Variants in KCMF1 observed in about 807,000 individuals in gnomAD.
KCMF1 encodes the protein potassium channel modulatory factor 1.
In KCMF1, 3 loss-of-function variants were observed where a neutral mutation model predicts 41.1. The ratio of observed to expected loss-of-function variants is 0.07; its 90% CI spans 0.03 to 0.19. The LOEUF (loss-of-function observed/expected upper bound fraction) is 0.19, where lower values mean the gene tolerates loss of function less well. Among genes scored for constraint, KCMF1 ranks in the 10% least tolerant of loss-of-function variants. The pLI is 1.00. For synonymous variants in KCMF1, 142 were observed against 164.5 expected (o/e 0.86, Z 1.04); for missense variants, 286 against 488.9 (o/e 0.58, Z 3.91).
chr2:85,000,321 CACCGTGTTAGCCAG>C (rs56065743), intron 1 of KCMF1, among the ~76,000 whole-genome samples: 10,026 of 152,110 alleles, frequency 0.066, 565 homozygotes, highest in East Asian at 0.34. Flanking sequence ...GACGGGGTTT[CACCGTGTTAGCCAG>C]GATGGTCTCG....
chr2:85,003,945 A>C (rs1574017885), intron 1 of KCMF1, among the ~76,000 whole-genome samples: 1 of 152,130 alleles, frequency 6.6e-6, no homozygotes, highest in East Asian at 1.9e-4. Flanking sequence ...TTTTTCCAAG[A>C]CCACCCAGTG....
Position 84,992,624 on chromosome 2 carries a change from T to G in KCMF1, c.16+21157T>G, listed in dbSNP as rs549679821. Among the ~76,000 whole-genome samples, 97 of 150,752 alleles carry G rather than the reference T, an allele frequency of 6.4e-4. No homozygotes were observed. In the East Asian group the frequency reaches 6.5e-3, roughly 10 times the overall value. On this transcript the variant is annotated intron_variant, in intron 1 of 6. Coordinates refer to ENST00000409785, the MANE Select transcript of KCMF1 (RefSeq NM_020122.5). ...TTTTAACGATTTTATTTATATGTGGTTTTTTTTTGTTTTTTGTTTTTTTCT... is the reference window on the plus strand; with the variant it reads ...TTTTAACGATTTTATTTATATGTGGGTTTTTTTTGTTTTTTGTTTTTTTCT...
chr2:85,027,120 G>A (rs1035629957), intron 1 of KCMF1, among the ~76,000 whole-genome samples: 12 of 152,136 alleles, frequency 7.9e-5, no homozygotes, highest in Non-Finnish European at 1.3e-4. Context: ...GGTAATTTTT[G>A]TAATCCCCTA....
At chr2:84,988,436 T>C (rs1673955832) in intron 1 of KCMF1, among the ~76,000 whole-genome samples, 1 of 152,240 alleles carries the variant, frequency 6.6e-6, no homozygotes, top group Non-Finnish European at 1.5e-5. Context: ...TATGTATCAT[T>C]ATCTCAGTTT....
chr2:84,995,667 T>C (rs1473774902), intron 1 of KCMF1, among the ~76,000 whole-genome samples: 1 of 152,220 alleles, frequency 6.6e-6, no homozygotes, highest in Non-Finnish European at 1.5e-5. Flanking sequence ...TATAAAGAAT[T>C]CTTGGCTGAG....
At position 85,053,617 on chromosome 2, in the gene KCMF1, T is replaced by C. The variant is rs1574046876; in HGVS notation, c.*208T>C. 1 of 565,640 alleles carries C rather than the reference T, an allele frequency of 1.8e-6. No homozygotes were observed. 35.0% of individuals were successfully genotyped at this position (565,640 alleles called of 1,614,324 possible). ...TCTAGCAGGTAAATGTAGGTAGCAGTGCAGGGGTGATCTCTGCTTCCTGTA... is the reference window on the plus strand; with the variant it reads ...TCTAGCAGGTAAATGTAGGTAGCAGCGCAGGGGTGATCTCTGCTTCCTGTA... On this transcript the variant is annotated 3_prime_UTR_variant, in exon 7 of 7. Transcript: ENST00000409785.
chr2:85,012,114 G>T (rs1348795118), intron 1 of KCMF1, among the ~76,000 whole-genome samples: 3 of 152,228 alleles, frequency 2.0e-5, no homozygotes, highest in African/African-American at 7.2e-5. Context: ...ATGGGCCTGT[G>T]ATGGTCCTGT....
At chr2:85,026,749 A>G (rs954556179) in intron 1 of KCMF1, among the ~76,000 whole-genome samples, 2 of 152,084 alleles carry the variant, frequency 1.3e-5, no homozygotes, top group African/African-American at 4.8e-5. Context: ...CGCCTTGCCA[A>G]AGTGCTTGGG....
rs1359630270 is a variant in KCMF1, at chr2:85,018,844, G to A, written c.17-9045G>A. Among the ~76,000 whole-genome samples, 49 of 115,428 alleles carry A rather than the reference G, an allele frequency of 4.2e-4. No individual in the cohort carries two copies. The Admixed American group carries it at 4.5e-3, about 11-fold the overall frequency. 75.7% of individuals were successfully genotyped at this position (115,428 alleles called of 152,430 possible). A position where few individuals can be genotyped will look rare whatever the true frequency, so the allele number is the denominator to read the frequency against. ...TTTTGAGACAGAGTCTCGCTCTGTC[G>A]CCCAGGCTGGAGTGCAGTGGCGTGA... On this transcript the variant is annotated intron_variant, in intron 1 of 6. Transcript: ENST00000409785.
intron 1 of KCMF1, among the ~76,000 whole-genome samples, chr2:84,972,970 C>T (rs1293642182): frequency 1.3e-5 from 2 of 152,178 alleles, no homozygotes; most frequent in Non-Finnish European, 2.9e-5. Context: ...CCCACTTCGT[C>T]TGCTTAATCG....
chr2:84,978,549 A>G (rs1303848525), intron 1 of KCMF1, among the ~76,000 whole-genome samples: 1 of 145,194 alleles, frequency 6.9e-6, no homozygotes, highest in Non-Finnish European at 1.5e-5. Context: ...TGCACAATGT[A>G]TTTGGGTTTT....
At chr2:85,003,318 GA>G (rs902148121) in intron 1 of KCMF1, among the ~76,000 whole-genome samples, 10 of 149,270 alleles carry the variant, frequency 6.7e-5, no homozygotes, top group East Asian at 5.9e-4. Flanking sequence ...CTAAAAAAAA[GA>G]AAAAAAAAAT....
intron 1 of KCMF1, among the ~76,000 whole-genome samples, chr2:84,979,954 C>G (rs1286269343): frequency 1.3e-5 from 2 of 151,666 alleles, no homozygotes; most frequent in South Asian, 2.1e-4. Context: ...TCCCAAGTAG[C>G]TGGGATTACA....
chr2:85,006,899 G>A (rs1001513416), intron 1 of KCMF1, among the ~76,000 whole-genome samples: 3 of 151,338 alleles, frequency 2.0e-5, no homozygotes, highest in Non-Finnish European at 2.9e-5. Context: ...ATCTGAGGTC[G>A]GGAGTTTGAG....
At chr2:85,049,229 G>C (rs1281147011) in intron 5 of KCMF1, 137 bp from the exon 6 acceptor site, 8 of 800,134 alleles carry the variant, frequency 1.0e-5, no homozygotes, top group Non-Finnish European at 1.6e-5. Context: ...GAAGGATTCA[G>C]CTCTTAAACT....
chr2:84,972,993 ATC>A (rs1278794420), intron 1 of KCMF1, among the ~76,000 whole-genome samples: 5 of 152,218 alleles, frequency 3.3e-5, no homozygotes, highest in Non-Finnish European at 2.9e-5. Flanking sequence ...ATGTATCCTT[ATC>A]TCTGTAATTT....
At chr2:84,979,002 C>T (rs142713078) in intron 1 of KCMF1, among the ~76,000 whole-genome samples, 1,597 of 151,996 alleles carry the variant, frequency 0.011, 28 homozygotes, top group African/African-American at 0.036. Context: ...CATGAGCCAC[C>T]GTGCCTGGCT....
At chr2:85,022,947 G>A (rs1674981749) in intron 1 of KCMF1, among the ~76,000 whole-genome samples, 1 of 139,866 alleles carries the variant, frequency 7.1e-6, no homozygotes, top group East Asian at 2.1e-4. Flanking sequence ...AGAGTGCGGT[G>A]GCTGATCTCA....
intron 2 of KCMF1, among the ~76,000 whole-genome samples, chr2:85,028,650 C>T (rs1251304183): frequency 1.3e-5 from 2 of 151,842 alleles, no homozygotes; most frequent in Admixed American, 6.6e-5. Context: ...CCACCATGCC[C>T]GGCTGATTTT....
Sources: gnomAD v4.1 joint callset for allele counts (sites outside exome capture counted in the v4.1 genomes callset) on GRCh38, gnomAD v4.1.1 for gene constraint, MANE v1.5 for transcripts, NCBI Gene and HGNC (gene_info 2026-07-23, HGNC 2026-07-21) for gene names.